The following KDM3A variants were observed in gnomAD, a reference collection of about 807,000 sequenced individuals.
KDM3A encodes the protein lysine-specific demethylase 3A.
KDM3A carries 60 observed loss-of-function variants against 158.0 expected under a neutral mutation model. That is an observed-to-expected ratio of 0.38 (90% CI 0.31 to 0.47). The LOEUF is 0.47. KDM3A is among the 20% of genes least tolerant of loss of function. The probability of loss-of-function intolerance (pLI) is 0.99; values close to 1 mark genes in which losing one functional copy is unlikely to be tolerated. For missense variants in KDM3A, 1,319 were observed against 1,574.3 expected (o/e 0.84, Z 2.74); for synonymous variants, 608 against 549.3 (o/e 1.11, Z -1.49).
At chr2:86,460,737 T>C (rs548581134) in intron 8 of KDM3A, 2 of 152,320 alleles carry the variant, frequency 1.3e-5, no homozygotes, top group East Asian at 3.9e-4. Flanking sequence ...CTTTTTAGAA[T>C]TCTATCATAC....
rs767344324 is a variant in KDM3A, at chr2:86,449,881, A to G, written c.261A>G (p.Ala87=). 1 of 1,613,892 alleles carries G rather than the reference A, an allele frequency of 6.2e-7. No homozygotes were observed. The highest frequency in any genetic ancestry group is 8.5e-7 in the Non-Finnish European group (1 of 1,179,858). The change falls in exon 3 of 26, where the codon GCA becomes GCG. Residue 87 remains alanine, a synonymous_variant. Coordinates refer to ENST00000312912, the MANE Select transcript of KDM3A (RefSeq NM_018433.6). The stretch of plus-strand genomic sequence containing the variant: ...AAGTCTACAGCCTTCTAAGGAGAGC[A>G]TTTTTAGTAGAACATAATTTGGTTT... The part of the protein sequence containing the change: ...WIEVYSLLRR[A]FLVEHNLVLA...
intron 25 of KDM3A, chr2:86,491,760 C>A: frequency 2.5e-6 from 1 of 397,560 alleles, no homozygotes. Flanking sequence ...AAAGCTGTAC[C>A]TTGGAACTTG....
At chr2:86,475,047 A>G in intron 12 of KDM3A, 57 bp downstream of exon 12, 3 of 1,366,584 alleles carry the variant, frequency 2.2e-6, no homozygotes, top group Non-Finnish European at 3.1e-6. Flanking sequence ...TTTGTTCCTA[A>G]GTGACACCTA....
At chr2:86,438,188 T>C (rs1040927737), upstream of KDM3A, among the ~76,000 whole-genome samples, 2 of 152,132 alleles carry the variant, frequency 1.3e-5, no homozygotes, top group African/African-American at 4.8e-5. Context: ...TGAATGAAAA[T>C]GAAGTATATA....
intron 11 of KDM3A, among the ~76,000 whole-genome samples, chr2:86,470,818 T>C (rs1365034705): frequency 6.6e-6 from 1 of 152,236 alleles, no homozygotes; most frequent in Non-Finnish European, 1.5e-5. Flanking sequence ...TAGGAACCTC[T>C]TGATCATAAC....
chr2:86,479,638 A>G (rs1010069141), intron 15 of KDM3A: 1 of 152,448 alleles, frequency 6.6e-6, no homozygotes, highest in African/African-American at 2.4e-5. Context: ...CAGTTTTTAA[A>G]ATTATTTTCT....
At chr2:86,480,739 C>T (rs2104697425) in intron 16 of KDM3A, among the ~76,000 whole-genome samples, 2 of 152,254 alleles carry the variant, frequency 1.3e-5, no homozygotes, top group Middle Eastern at 6.8e-3. Flanking sequence ...TGATAAGGAG[C>T]TCTTAAAAGA....
At chr2:86,471,242 T>C (rs1380921699) in intron 11 of KDM3A, among the ~76,000 whole-genome samples, 1 of 151,976 alleles carries the variant, frequency 6.6e-6, no homozygotes, top group Non-Finnish European at 1.5e-5. Flanking sequence ...TGTATGTATA[T>C]GTGAATATAT....
At chr2:86,442,315 T>G (rs1682761248) in intron 2 of KDM3A, 82 bp downstream of exon 2, 7 of 1,340,212 alleles carry the variant, frequency 5.2e-6, no homozygotes, top group Non-Finnish European at 6.1e-6. Context: ...CCTTCCGTTT[T>G]CTGAAAACGG....
chr2:86,489,505 C>G lies in KDM3A; in HGVS notation c.3434-15C>G, dbSNP rs752037421. On this transcript the variant is annotated splice_polypyrimidine_tract_variant and intron_variant, in intron 22 of 25. Transcript: ENST00000312912. ...GGGCTTGTGGTCTGATATCTGCTTT[C>G]TCTTCTTGCTCTAGAAGTCCTTAAG... The G allele has an allele frequency of 2.5e-6, 4 of 1,611,288 alleles. No homozygotes were observed. In the African/African-American group the frequency reaches 5.4e-5, roughly 22 times the overall value.
rs377641271 is a variant in KDM3A at position 86,476,231 on chromosome 2, A to G, written c.1939+1241A>G. 1.1e-3 allele frequency among the ~76,000 whole-genome samples: 161 copies of G among 152,372 alleles called. 1 individual carries two copies. The highest frequency in any genetic ancestry group is 3.8e-3 in the African/African-American group (158 of 41,600). ...TAACTGGTCTGGCAGTGGTACATAC[A>G]TGACTGCAATGTGGAAACACTTTTT... is the stretch of plus-strand genomic sequence containing the variant. On this transcript the variant is annotated intron_variant, in intron 12 of 25. Coordinates refer to ENST00000312912, the MANE Select transcript of KDM3A (RefSeq NM_018433.6).
At chr2:86,445,023 C>T (rs1682898437) in intron 2 of KDM3A, among the ~76,000 whole-genome samples, 1 of 151,808 alleles carries the variant, frequency 6.6e-6, no homozygotes, top group African/African-American at 2.4e-5. Flanking sequence ...TCACAAATAT[C>T]CTAGATGGTA....
In KDM3A at chr2:86,471,931, C is replaced by G. The variant is rs563642081; in HGVS notation, c.1724+1523C>G. Among the ~76,000 whole-genome samples the G allele has an allele frequency of 2.8e-3, 430 of 152,232 alleles. 5 individuals are homozygous for G. The highest frequency in any genetic ancestry group is 9.9e-3 in the African/African-American group (410 of 41,542). On this transcript the variant is annotated intron_variant, in intron 11 of 25. Coordinates refer to ENST00000312912, the MANE Select transcript of KDM3A (RefSeq NM_018433.6). ...TCCTCTCGAGAATTTTCTTCTTAAA[C>G]AGTGTGTTACAATGCATATTCATTT...
At chr2:86,453,898 A>G (rs188114604) in intron 4 of KDM3A, among the ~76,000 whole-genome samples, 1 of 152,316 alleles carries the variant, frequency 6.6e-6, no homozygotes, top group East Asian at 1.9e-4. Context: ...CTGATATTGG[A>G]AGGGCTTCTG....
chr2:86,473,205 C>T (rs562477523), intron 11 of KDM3A, among the ~76,000 whole-genome samples: 21 of 152,332 alleles, frequency 1.4e-4, no homozygotes, highest in South Asian at 1.0e-3. Flanking sequence ...GCTGCCCAGG[C>T]TGGAGTGCAT....
chr2:86,483,916 G>T, intron 18 of KDM3A, 71 bp from the exon 19 acceptor site: 1 of 1,234,592 alleles, frequency 8.1e-7, no homozygotes, highest in Non-Finnish European at 1.2e-6. Context: ...GCAGTGTGAA[G>T]AGGGACTGCC....
At chr2:86,449,661 G>A (rs1352001552) in intron 2 of KDM3A, 146 bp from the exon 3 acceptor site, 18 of 822,628 alleles carry the variant, frequency 2.2e-5, no homozygotes, top group Non-Finnish European at 3.3e-5. Flanking sequence ...GGCTGTGACA[G>A]GAAGTGAGGG....
chr2:86,455,400 G>A (rs1672647680), intron 5 of KDM3A, among the ~76,000 whole-genome samples: 1 of 150,682 alleles, frequency 6.6e-6, no homozygotes, highest in African/African-American at 2.4e-5. Flanking sequence ...CTACAGGCAC[G>A]CACCACCACA....
intron 8 of KDM3A, among the ~76,000 whole-genome samples, chr2:86,459,714 T>C (rs1672849896): frequency 6.6e-6 from 1 of 152,098 alleles, no homozygotes; most frequent in Admixed American, 6.5e-5. Flanking sequence ...CATATAGACA[T>C]ATATGATATG....
Sources: allele counts gnomAD v4.1 joint callset (sites outside exome capture counted in the v4.1 genomes callset), GRCh38; gene constraint gnomAD v4.1.1; transcripts MANE v1.5; gene names NCBI Gene and HGNC (gene_info 2026-07-23, HGNC 2026-07-21).